The following CDH13 variants were observed in gnomAD, a reference collection of about 807,000 sequenced individuals.
The protein encoded by CDH13 is cadherin-13.
In CDH13, 24 loss-of-function variants were observed where a neutral mutation model predicts 63.8. That is an observed-to-expected ratio of 0.38 (90% confidence interval 0.27 to 0.53). The LOEUF (loss-of-function observed/expected upper bound fraction) is 0.53. Among genes scored for constraint, CDH13 ranks in the 20% least tolerant of loss-of-function variants. The pLI is 0.85. For missense variants in CDH13, 1,049 were observed against 903.1 expected, an observed-to-expected ratio of 1.16 and a Z score of -2.07; for synonymous variants, 503 against 355.3, an observed-to-expected ratio of 1.42 and a Z score of -4.67.
intron 2 of CDH13, among the ~76,000 whole-genome samples, chr16:83,015,603 C>T (rs1409856821): frequency 1.4e-5 from 2 of 143,202 alleles, no homozygotes; most frequent in Non-Finnish European, 3.0e-5. Flanking sequence ...ATCTGTGATT[C>T]ATTATCGTAA....
intron 6 of CDH13, among the ~76,000 whole-genome samples, chr16:83,448,360 G>T (rs2072774331): frequency 6.6e-6 from 1 of 152,108 alleles, no homozygotes; most frequent in Admixed American, 6.5e-5. Context: ...ACCAACTTCA[G>T]CTTGGAGGGA....
intron 2 of CDH13, among the ~76,000 whole-genome samples, chr16:83,017,361 G>A (rs1213087142): frequency 6.6e-6 from 1 of 152,130 alleles, no homozygotes; most frequent in East Asian, 1.9e-4. Context: ...TTGACTCCCT[G>A]TTATGTCCTG....
chr16:82,630,613 C>T (rs1907891707), intron 1 of CDH13, among the ~76,000 whole-genome samples: 1 of 152,174 alleles, frequency 6.6e-6, no homozygotes, highest in Non-Finnish European at 1.5e-5. Context: ...AGCATCAGCA[C>T]TTGGATGTGT....
chr16:83,513,695 A>G (rs2074629413), intron 7 of CDH13, among the ~76,000 whole-genome samples: 1 of 152,136 alleles, frequency 6.6e-6, no homozygotes, highest in Non-Finnish European at 1.5e-5. Flanking sequence ...CATGAGGGTA[A>G]CTGCCACCGT....
At chr16:83,706,779 C>G (rs1001541118) in intron 10 of CDH13, among the ~76,000 whole-genome samples, 2 of 152,174 alleles carry the variant, frequency 1.3e-5, no homozygotes, top group South Asian at 2.1e-4. Context: ...GCTGCTTCAG[C>G]GATCTAGGTT....
At chr16:83,603,040 TAAC>T (rs900908821) in intron 8 of CDH13, among the ~76,000 whole-genome samples, 7 of 152,200 alleles carry the variant, frequency 4.6e-5, no homozygotes, top group African/African-American at 1.4e-4. Context: ...AGCTTATAAA[TAAC>T]AACAAAGTTA....
chr16:83,376,646 G>T (rs116389273), intron 6 of CDH13, among the ~76,000 whole-genome samples: 2 of 152,084 alleles, frequency 1.3e-5, no homozygotes, highest in Admixed American at 6.5e-5. Flanking sequence ...AGGTGGTTGT[G>T]GTAGAGATGG....
intron 8 of CDH13, among the ~76,000 whole-genome samples, chr16:83,662,857 C>G (rs1414902476): frequency 1.3e-5 from 2 of 152,072 alleles, no homozygotes; most frequent in East Asian, 3.9e-4. Flanking sequence ...AACAGAGGTT[C>G]CAACAGACAA....
chr16:83,237,232 GTC>G (rs2040172375), intron 5 of CDH13, among the ~76,000 whole-genome samples: 1 of 152,220 alleles, frequency 6.6e-6, no homozygotes, highest in African/African-American at 2.4e-5. Flanking sequence ...GCCTCTGCCT[GTC>G]TCAGCAAAGA....
intron 10 of CDH13, among the ~76,000 whole-genome samples, chr16:83,739,331 C>G (rs1305958027): frequency 1.3e-5 from 2 of 149,316 alleles, no homozygotes; most frequent in Non-Finnish European, 3.0e-5. Context: ...GTTGTCACAA[C>G]TTGCTCCTGG....
intron 2 of CDH13, among the ~76,000 whole-genome samples, chr16:82,945,207 C>T (rs1186767519): frequency 6.6e-6 from 1 of 152,166 alleles, no homozygotes; most frequent in Non-Finnish European, 1.5e-5. Flanking sequence ...CTTTGTGGGC[C>T]ATGAAGTTTC....
intron 3 of CDH13, among the ~76,000 whole-genome samples, chr16:83,073,627 A>G (rs1015161509): frequency 1.2e-4 from 19 of 152,044 alleles, no homozygotes; most frequent in Admixed American, 9.8e-4. Context: ...TTATTCCTGT[A>G]AAAATATATT....
intron 10 of CDH13, among the ~76,000 whole-genome samples, chr16:83,704,424 G>C (rs1300606159): frequency 6.6e-6 from 1 of 151,962 alleles, no homozygotes; most frequent in African/African-American, 2.4e-5. Flanking sequence ...CTCGGGTCAG[G>C]TCCTAGAAAA....
chr16:83,062,368 A>G (rs1280976668), intron 3 of CDH13, among the ~76,000 whole-genome samples: 1 of 152,194 alleles, frequency 6.6e-6, no homozygotes, highest in East Asian at 1.9e-4. Context: ...TCCAGTTCCT[A>G]TCAGTGCCCT....
chr16:83,389,001 G>C (rs2091733091), intron 6 of CDH13, among the ~76,000 whole-genome samples: 1 of 152,200 alleles, frequency 6.6e-6, no homozygotes, highest in East Asian at 1.9e-4. Context: ...CCCATTCCCA[G>C]GCACCACCCT....
intron 7 of CDH13, among the ~76,000 whole-genome samples, chr16:83,488,923 C>T (rs1358089915): frequency 6.6e-6 from 1 of 152,170 alleles, no homozygotes; most frequent in Non-Finnish European, 1.5e-5. Flanking sequence ...CTGCGCCCGG[C>T]CAATGCTCCC....
At chr16:83,124,525 C>T (rs2035726030) in intron 3 of CDH13, among the ~76,000 whole-genome samples, 1 of 145,104 alleles carries the variant, frequency 6.9e-6, no homozygotes, top group Non-Finnish European at 1.5e-5. Context: ...TTGAATTGTC[C>T]ATTTTTTTTT....
At chr16:82,772,881 C>T (rs2035327163) in intron 1 of CDH13, among the ~76,000 whole-genome samples, 1 of 152,162 alleles carries the variant, frequency 6.6e-6, no homozygotes, top group African/African-American at 2.4e-5. Flanking sequence ...GGACTGAGTA[C>T]ACATGGTTGT....
chr16:82,887,934 A>G (rs1464251848), intron 2 of CDH13, among the ~76,000 whole-genome samples: 1 of 152,154 alleles, frequency 6.6e-6, no homozygotes. Flanking sequence ...ATGGAAGCCC[A>G]TTCTGGAAAG....
Sources: gnomAD v4.1 joint callset for allele counts (sites outside exome capture counted in the v4.1 genomes callset) on GRCh38, gnomAD v4.1.1 for gene constraint, MANE v1.5 for transcripts, NCBI Gene and HGNC (gene_info 2026-07-23, HGNC 2026-07-21) for gene names.